Variants in AFAP1L2 observed in about 807,000 individuals in gnomAD.
AFAP1L2 encodes actin filament-associated protein 1-like 2.
A neutral mutation model predicts 99.3 loss-of-function variants in AFAP1L2; 46 were observed. That is an observed-to-expected ratio of 0.46 (90% CI 0.37 to 0.59). The LOEUF is 0.59. Ranked by LOEUF, AFAP1L2 falls within the 20% of genes least tolerant of loss-of-function variation. The pLI is 0.00. For missense variants in AFAP1L2, 959 were observed against 1,034.9 expected (o/e 0.93, Z 1.01); for synonymous variants, 397 against 419.1 (o/e 0.95, Z 0.64).
At chr10:114,369,620 T>G (rs1015902597) in intron 1 of AFAP1L2, among the ~76,000 whole-genome samples, 13 of 151,784 alleles carry the variant, frequency 8.6e-5, no homozygotes, top group Non-Finnish European at 7.4e-5. Context: ...AAAAAACTTT[T>G]TATTATGAAA....
downstream of AFAP1L2, among the ~76,000 whole-genome samples, chr10:114,290,766 T>C (rs1277111826): frequency 1.3e-5 from 2 of 151,928 alleles, no homozygotes; most frequent in Admixed American, 1.3e-4. Flanking sequence ...GTAAATGCGG[T>C]GGTGGGAGCT....
intron 1 of AFAP1L2, among the ~76,000 whole-genome samples, chr10:114,357,349 A>G (rs187698577): frequency 1.4e-4 from 22 of 152,282 alleles, no homozygotes; most frequent in African/African-American, 5.3e-4. Flanking sequence ...TGGTGTAACC[A>G]CATTCTCTAA....
At position 114,299,389 on chromosome 10, in the gene AFAP1L2, C is replaced by T; in HGVS notation, c.1984G>A (p.Glu662Lys). Residue 662 changes from glutamate (E) to lysine (K), a missense_variant, in exon 16 of 19, where the codon GAA (glutamate) becomes AAA (lysine). Physicochemically the swap from Glu to Lys is moderately conservative, Grantham distance 56. Around this residue, in one of 2 missense-constraint regions of AFAP1L2, gnomAD observed 576 missense variants for 562.1 expected, o/e 1.02. Transcript: ENST00000304129. Reference protein sequence around the residue: ...AEIKLGKNRTEAEVKRYTEEK... With the variant: ...AEIKLGKNRTKAEVKRYTEEK... Reference sequence around the variant, plus strand: ...TCTGTGTACCGCTTCACCTCAGCTTCTGTCCGATTCTTGCCAAGCTTGATC... The same window carrying T: ...TCTGTGTACCGCTTCACCTCAGCTTTTGTCCGATTCTTGCCAAGCTTGATC... 1 of 1,614,250 alleles carries T rather than the reference C, an allele frequency of 6.2e-7. No homozygotes were observed. The highest frequency in any genetic ancestry group is 8.5e-7 in the Non-Finnish European group (1 of 1,180,042).
At chr10:114,361,405 C>T (rs748870120) in intron 1 of AFAP1L2, among the ~76,000 whole-genome samples, 3 of 152,166 alleles carry the variant, frequency 2.0e-5, no homozygotes, top group Non-Finnish European at 2.9e-5. Context: ...TATCCCAGTC[C>T]AGAAATATCA....
chr10:114,297,512 G>A lies in AFAP1L2; in HGVS notation c.2114-99C>T, dbSNP rs1342390716. 4.7e-6 allele frequency: 6 copies of A among 1,288,784 alleles called. No homozygotes were observed. In the South Asian group the frequency reaches 7.0e-5, roughly 15 times the overall value. The allele number at this position is 1,288,784 out of a possible 1,614,324, so 79.8% of individuals were successfully genotyped here. On this transcript the variant is annotated intron_variant, in intron 16 of 18. Transcript: ENST00000304129. ...AGGGTCTACATACCCCGCCACCCGA[G>A]AAGGACCACAGGTCTGGCCCCAACA...
intron 16 of AFAP1L2, among the ~76,000 whole-genome samples, chr10:114,297,974 A>G (rs2040524633): frequency 6.6e-6 from 1 of 152,244 alleles, no homozygotes; most frequent in Non-Finnish European, 1.5e-5. Flanking sequence ...AGTCCTGAGC[A>G]CAGGGCCACT....
Position 114,295,507 on chromosome 10 carries a change from T to C in AFAP1L2, c.*535A>G. ...GTTTTACAGATGATGGTTTTACAGA[T>C]GATGTCAATGCTGTTTAAAATCACT... On this transcript the variant is annotated 3_prime_UTR_variant, in exon 19 of 19. Transcript: ENST00000304129. 1.0e-6 allele frequency: 1 copy of C among 985,392 alleles called. No individual in the cohort carries two copies. The highest frequency in any genetic ancestry group is 1.2e-6 in the Non-Finnish European group (1 of 829,930). The allele number at this position is 985,392 out of a possible 1,614,324, so 61.0% of individuals were successfully genotyped here. A position where few individuals can be genotyped will look rare whatever the true frequency, so the allele number is the denominator to read the frequency against.
intron 1 of AFAP1L2, among the ~76,000 whole-genome samples, chr10:114,395,577 A>T (rs1233803797): frequency 6.6e-6 from 1 of 152,132 alleles, no homozygotes; most frequent in Non-Finnish European, 1.5e-5. Context: ...ACTTGAATAC[A>T]GTGAACATGA....
chr10:114,294,988 A>G lies in AFAP1L2; in HGVS notation c.*1054T>C. ...ACAACCCTCCAGAAATGAGGCAGAG[A>G]TAATAGATGAAATGTTTCAACCTGT... is the stretch of plus-strand genomic sequence containing the variant. On this transcript the variant is annotated 3_prime_UTR_variant, in exon 19 of 19. Transcript: ENST00000304129. The G allele has an allele frequency of 1.0e-6, 1 of 981,196 alleles. No homozygotes were observed. The highest frequency in any genetic ancestry group is 1.2e-6 in the Non-Finnish European group (1 of 826,844). The allele number at this position is 981,196 out of a possible 1,614,324, so 60.8% of individuals were successfully genotyped here.
intron 1 of AFAP1L2, among the ~76,000 whole-genome samples, chr10:114,394,142 G>T (rs1378610023): frequency 6.6e-6 from 1 of 152,180 alleles, no homozygotes; most frequent in Non-Finnish European, 1.5e-5. Context: ...ACTGTGCCGG[G>T]GGGACGACCG....
rs1213703061 is a variant in AFAP1L2 at position 114,346,507 on chromosome 10, C to T, written c.17-5776G>A. 2.6e-5 allele frequency among the ~76,000 whole-genome samples: 4 copies of T among 152,176 alleles called. No individual in the cohort carries two copies. The East Asian group carries it at 7.7e-4, about 29-fold the overall frequency. On this transcript the variant is annotated intron_variant, in intron 1 of 18. Coordinates refer to ENST00000304129, the MANE Select transcript of AFAP1L2 (RefSeq NM_001001936.3). ...AATAACAATCAACAAAGGCAAGGCCCCAGAGTGCCAACCTCAGTGACATTT... is the reference window on the plus strand; with the variant it reads ...AATAACAATCAACAAAGGCAAGGCCTCAGAGTGCCAACCTCAGTGACATTT...
At chr10:114,387,835 G>A (rs1029894495) in intron 1 of AFAP1L2, among the ~76,000 whole-genome samples, 3 of 152,156 alleles carry the variant, frequency 2.0e-5, no homozygotes, top group East Asian at 1.9e-4. Flanking sequence ...GCACTTGGAA[G>A]ACTCTGGGTA....
At chr10:114,289,044 C>T in the AFAP1L2 span, 1 of 1,614,180 alleles carries the variant, frequency 6.2e-7, no homozygotes, top group South Asian at 1.1e-5. Flanking sequence ...GCTGTGCCCT[C>T]CAGTTTGAGG....
intron 1 of AFAP1L2, 149 bp from the exon 2 acceptor site, chr10:114,340,880 G>A (rs577524548): frequency 6.4e-6 from 7 of 1,094,010 alleles, no homozygotes; most frequent in African/African-American, 3.1e-5. Flanking sequence ...CGTATGGGGG[G>A]ACTGGGCAGA....
rs745978883 is a variant in AFAP1L2 at position 114,319,686 on chromosome 10, G to C, written c.406+3485C>G. ...GAGCACAGACAGAGGGAAGAGAAGA[G>C]AGACAGAATGAAGAGAGGAGCACGC... On this transcript the variant is annotated intron_variant, in intron 5 of 18. Transcript: ENST00000304129. 11 of 1,268,692 alleles carry C rather than the reference G, an allele frequency of 8.7e-6. No individual in the cohort carries two copies. The African/African-American group carries it at 1.4e-4, about 16-fold the overall frequency. 78.6% of individuals were successfully genotyped at this position (1,268,692 alleles called of 1,614,324 possible).
chr10:114,321,170 T>A (rs888196504), intron 5 of AFAP1L2, among the ~76,000 whole-genome samples: 1 of 152,186 alleles, frequency 6.6e-6, no homozygotes, highest in Non-Finnish European at 1.5e-5. Context: ...GGTGGATGCA[T>A]TCTTTAATGA....
chr10:114,372,725 T>A lies in AFAP1L2; in HGVS notation c.16+31715A>T, dbSNP rs116512963. Among the ~76,000 whole-genome samples, 810 of 152,118 alleles carry A rather than the reference T, an allele frequency of 5.3e-3. 7 individuals are homozygous for A. Among genetic ancestry groups the A allele is most frequent in the African/African-American group, 0.018 (760 of 41,514 alleles). ...CAATTAAAACATATGCAATGAAAAT[T>A]TCCCCCATCTTAAAACCCTCCCAGT... On this transcript the variant is annotated intron_variant, in intron 1 of 18. Coordinates refer to ENST00000304129, the MANE Select transcript of AFAP1L2 (RefSeq NM_001001936.3).
the AFAP1L2 span, chr10:114,280,788 G>C: frequency 1.3e-5 from 2 of 152,166 alleles, no homozygotes; most frequent in African/African-American, 2.4e-5. Context: ...CACCAGGATG[G>C]AGTACAGTGG....
chr10:114,294,081 C>T (rs2039845584), downstream of AFAP1L2, among the ~76,000 whole-genome samples: 1 of 152,038 alleles, frequency 6.6e-6, no homozygotes, highest in Non-Finnish European at 1.5e-5. Flanking sequence ...GATAGGTTAT[C>T]CATTTGTGTA....
Sources: gnomAD v4.1 joint callset for allele counts (sites outside exome capture counted in the v4.1 genomes callset) on GRCh38, gnomAD v4.1.1 for gene constraint, gnomAD v4.1.1 regional missense constraint, MANE v1.5 for transcripts, NCBI Gene and HGNC (gene_info 2026-07-23, HGNC 2026-07-21) for gene names.